The following ROBO2 variants were observed in gnomAD, a reference collection of about 807,000 sequenced individuals.
ROBO2 encodes the protein roundabout homolog 2.
Under a neutral mutation model 160.8 loss-of-function variants are expected in ROBO2, and 53 were observed. The ratio of observed to expected loss-of-function variants is 0.33; its 90% CI spans 0.26 to 0.41. ROBO2 has a LOEUF of 0.41. Ranked by LOEUF, ROBO2 falls within the 10% of genes least tolerant of loss-of-function variation. The pLI is 1.00. For missense variants in ROBO2, 1,577 were observed against 1,722.4 expected (o/e 0.92, Z 1.49); for synonymous variants, 664 against 611.7 (o/e 1.09, Z -1.26).
intron 2 of ROBO2, among the ~76,000 whole-genome samples, chr3:76,155,387 T>A (rs1164859420): frequency 6.6e-6 from 1 of 151,842 alleles, no homozygotes; most frequent in African/African-American, 2.4e-5. Flanking sequence ...ATCAGCAAAA[T>A]AGACTATGAA....
chr3:76,214,485 G>T lies in ROBO2; in HGVS notation c.109+276883G>T, dbSNP rs142715959. ...ACCCTAATACTGTGCTTTTCCAATGGGCTTAACAAACAGCACACCAGGAGA... is the reference window on the plus strand; with the variant it reads ...ACCCTAATACTGTGCTTTTCCAATGTGCTTAACAAACAGCACACCAGGAGA... On this transcript the variant is annotated intron_variant, in intron 2 of 26. Coordinates refer to the ROBO2 transcript ENST00000487694. Among the ~76,000 whole-genome samples the T allele has an allele frequency of 2.4e-3, 359 of 152,306 alleles. 2 individuals carry two copies. The highest frequency in any genetic ancestry group is 8.3e-3 in the African/African-American group (346 of 41,576).
At chr3:77,215,234 G>A (rs1444146705) in intron 2 of ROBO2, among the ~76,000 whole-genome samples, 1 of 151,938 alleles carries the variant, frequency 6.6e-6, no homozygotes, top group Non-Finnish European at 1.5e-5. Flanking sequence ...ACATAGATTT[G>A]GTCTTTTCAC....
intron 2 of ROBO2, among the ~76,000 whole-genome samples, chr3:76,594,781 G>A (rs1270205627): frequency 2.0e-5 from 3 of 151,978 alleles, no homozygotes; most frequent in East Asian, 1.9e-4. Context: ...TCAATACTGC[G>A]AACTTGCTTT....
At chr3:77,103,926 G>GT (rs984883178) in intron 2 of ROBO2, among the ~76,000 whole-genome samples, 3 of 152,016 alleles carry the variant, frequency 2.0e-5, no homozygotes, top group African/African-American at 7.2e-5. Flanking sequence ...GTAAATGTTT[G>GT]TTTTTTATTT....
At chr3:77,205,610 C>A (rs1166382266) in intron 2 of ROBO2, among the ~76,000 whole-genome samples, 3 of 151,980 alleles carry the variant, frequency 2.0e-5, no homozygotes, top group Non-Finnish European at 2.9e-5. Flanking sequence ...GAGGGTGGGG[C>A]CTTTGCATGG....
intron 2 of ROBO2, among the ~76,000 whole-genome samples, chr3:76,811,019 A>T (rs1267050939): frequency 6.6e-6 from 1 of 152,196 alleles, no homozygotes; most frequent in Non-Finnish European, 1.5e-5. Context: ...GCATTTCATT[A>T]CTAAATAAGG....
intron 8 of ROBO2, among the ~76,000 whole-genome samples, chr3:77,551,217 T>C (rs771201780): frequency 3.9e-5 from 6 of 152,026 alleles, no homozygotes; most frequent in Non-Finnish European, 8.8e-5. Context: ...TTCTTAAAAA[T>C]AGAATAGTGC....
intron 2 of ROBO2, among the ~76,000 whole-genome samples, chr3:76,655,824 T>G (rs1346864945): frequency 6.6e-6 from 1 of 151,488 alleles, no homozygotes; most frequent in Non-Finnish European, 1.5e-5. Context: ...GAATACATCA[T>G]AAACTAGAGA....
At chr3:77,127,127 T>G (rs1250672954) in intron 2 of ROBO2, among the ~76,000 whole-genome samples, 1 of 152,042 alleles carries the variant, frequency 6.6e-6, no homozygotes, top group Non-Finnish European at 1.5e-5. Context: ...AAGGTAGAAA[T>G]GTTGACCTAC....
At chr3:76,445,377 A>G (rs1471157807) in intron 2 of ROBO2, among the ~76,000 whole-genome samples, 1 of 152,156 alleles carries the variant, frequency 6.6e-6, no homozygotes, top group Non-Finnish European at 1.5e-5. Flanking sequence ...TAGCAAAACT[A>G]AGGAAGGAAA....
intron 1 of ROBO2, among the ~76,000 whole-genome samples, chr3:75,934,552 C>T (rs2106970885): frequency 6.6e-6 from 1 of 152,032 alleles, no homozygotes; most frequent in African/African-American, 2.4e-5. Context: ...TGACTAATAC[C>T]AAAGTTAGTT....
At chr3:77,289,245 G>A (rs1048957232) in intron 2 of ROBO2, among the ~76,000 whole-genome samples, 2 of 152,134 alleles carry the variant, frequency 1.3e-5, no homozygotes, top group South Asian at 2.1e-4. Context: ...GTAAATTGAG[G>A]TAAGTTCCTT....
At chr3:77,383,394 G>A (rs1417513133) in intron 2 of ROBO2, among the ~76,000 whole-genome samples, 1 of 151,824 alleles carries the variant, frequency 6.6e-6, no homozygotes, top group East Asian at 1.9e-4. Context: ...TTGGAAACAA[G>A]TTTTCCATAT....
chr3:77,018,039 C>G (rs963461606), intron 2 of ROBO2, among the ~76,000 whole-genome samples: 3 of 151,838 alleles, frequency 2.0e-5, no homozygotes, highest in African/African-American at 7.3e-5. Flanking sequence ...TATAAAAAAG[C>G]TTAATAAACA....
rs574976691 is a variant in ROBO2 at position 77,294,588 on chromosome 3, G to C, written c.389-182826G>C. ...AAATTGACGGTTAAACAGGTAAGCT[G>C]AGGCTAGATCATCAAAGACATAAAG... On this transcript the variant is annotated intron_variant, in intron 2 of 25. Transcript: ENST00000461745. Among the ~76,000 whole-genome samples, 6 of 148,228 alleles carry C rather than the reference G, an allele frequency of 4.0e-5. 1 individual carries two copies. Among genetic ancestry groups the C allele is most frequent in the African/African-American group, 1.6e-4 (6 of 38,260 alleles).
chr3:76,070,433 C>T (rs916721425), intron 2 of ROBO2, among the ~76,000 whole-genome samples: 3 of 152,070 alleles, frequency 2.0e-5, no homozygotes, highest in African/African-American at 7.2e-5. Flanking sequence ...AGGAAATTCC[C>T]ACCTAATAAT....
At chr3:77,436,261 C>G (rs536041062) in intron 2 of ROBO2, among the ~76,000 whole-genome samples, 1 of 151,692 alleles carries the variant, frequency 6.6e-6, no homozygotes, top group Admixed American at 6.6e-5. Context: ...ATTAATCAGA[C>G]TGTGAGATTT....
intron 2 of ROBO2, among the ~76,000 whole-genome samples, chr3:77,140,132 G>A (rs1040393038): frequency 3.9e-5 from 6 of 152,130 alleles, no homozygotes; most frequent in Admixed American, 1.3e-4. Flanking sequence ...AACTGTGAGC[G>A]TCCTGATTGA....
chr3:77,235,675 A>C (rs773947849), intron 2 of ROBO2, among the ~76,000 whole-genome samples: 8 of 152,270 alleles, frequency 5.3e-5, no homozygotes, highest in Admixed American at 1.3e-4. Context: ...TCTGCCAAAA[A>C]TGAAATGTAA....
Sources: allele counts gnomAD v4.1 joint callset (sites outside exome capture counted in the v4.1 genomes callset), GRCh38; gene constraint gnomAD v4.1.1; transcripts MANE v1.5; gene names NCBI Gene and HGNC (gene_info 2026-07-23, HGNC 2026-07-21).